Variants in CCDC141 observed in about 807,000 individuals in gnomAD.
The protein encoded by CCDC141 is coiled-coil domain containing 141.
In CCDC141, 168 loss-of-function variants were observed where a neutral mutation model predicts 181.0. The ratio of observed to expected loss-of-function variants is 0.93; its 90% CI spans 0.82 to 1.05. CCDC141 has a LOEUF of 1.05. CCDC141 is among the 50% of genes least tolerant of loss of function. The probability of loss-of-function intolerance (pLI) is 0.00; values close to 1 mark genes in which losing one functional copy is unlikely to be tolerated. For missense variants in CCDC141, 1,902 were observed against 1,788.5 expected (o/e 1.06, Z -1.14); for synonymous variants, 666 against 642.3 (o/e 1.04, Z -0.56).
At chr2:178,987,834 G>A (rs1004712197) in intron 2 of CCDC141, among the ~76,000 whole-genome samples, 2 of 149,988 alleles carry the variant, frequency 1.3e-5, no homozygotes, top group African/African-American at 2.5e-5. Context: ...TGCTGGAGAG[G>A]ATGTGGAGAA....
rs577481455 is a variant in CCDC141 at position 178,876,214 on chromosome 2, C to A, written c.1899+1750G>T. 5 of 152,234 alleles carry A rather than the reference C, an allele frequency of 3.3e-5. No homozygotes were observed. The South Asian group carries it at 1.0e-3, about 32-fold the overall frequency. 9.4% of individuals were successfully genotyped at this position (152,234 alleles called of 1,614,324 possible). On this transcript the variant is annotated intron_variant, in intron 12 of 23. Coordinates refer to ENST00000443758, the MANE Select transcript of CCDC141 (RefSeq NM_173648.4). ...CTTCCAAATGAATTCAGGCTCCAGACTGAGATTAATCACATCCCAGGTACA... is the reference window on the plus strand; with the variant it reads ...CTTCCAAATGAATTCAGGCTCCAGAATGAGATTAATCACATCCCAGGTACA...
intron 2 of CCDC141, among the ~76,000 whole-genome samples, chr2:179,015,104 AAT>A (rs1342422823): frequency 3.1e-4 from 5 of 16,128 alleles, no homozygotes; most frequent in African/African-American, 5.4e-4. Context: ...ATATATATAT[AAT>A]ATATATATAA....
chr2:178,995,819 G>C (rs570142012), intron 2 of CCDC141, among the ~76,000 whole-genome samples: 1 of 152,262 alleles, frequency 6.6e-6, no homozygotes, highest in East Asian at 1.9e-4. Context: ...AGCTATTTAA[G>C]AGCATAATAA....
intron 5 of CCDC141, among the ~76,000 whole-genome samples, chr2:178,960,427 GA>G (rs1431082686): frequency 6.6e-6 from 1 of 152,030 alleles, no homozygotes; most frequent in Admixed American, 6.6e-5. Flanking sequence ...TTAAACATAT[GA>G]AAAAACCTCT....
At chr2:179,011,722 G>C (rs893459112) in intron 2 of CCDC141, among the ~76,000 whole-genome samples, 1 of 152,072 alleles carries the variant, frequency 6.6e-6, no homozygotes, top group African/African-American at 2.4e-5. Flanking sequence ...CATATGATAG[G>C]CCATAAAACG....
At chr2:178,911,680 T>C (rs537034695) in intron 7 of CCDC141, among the ~76,000 whole-genome samples, 2 of 152,350 alleles carry the variant, frequency 1.3e-5, no homozygotes, top group African/African-American at 4.8e-5. Flanking sequence ...AAAATGTAAA[T>C]TGATTTGTCA....
intron 5 of CCDC141, among the ~76,000 whole-genome samples, chr2:178,948,714 T>C (rs1689830870): frequency 6.6e-6 from 1 of 152,100 alleles, no homozygotes; most frequent in Non-Finnish European, 1.5e-5. Flanking sequence ...CTTTATTAGT[T>C]CCCAGCAGAC....
chr2:178,955,207 C>T (rs976854442), intron 5 of CCDC141, among the ~76,000 whole-genome samples: 1 of 152,130 alleles, frequency 6.6e-6, no homozygotes, highest in African/African-American at 2.4e-5. Flanking sequence ...ATTGCTTGAA[C>T]CCCGGAGGTG....
chr2:178,897,730 C>A (rs1295792306), intron 8 of CCDC141, among the ~76,000 whole-genome samples: 1 of 152,118 alleles, frequency 6.6e-6, no homozygotes, highest in Non-Finnish European at 1.5e-5. Flanking sequence ...CAATACTTCA[C>A]AAGGTAGCCT....
intron 11 of CCDC141, 126 bp downstream of exon 11, chr2:178,884,775 A>G: frequency 1.6e-6 from 1 of 609,370 alleles, no homozygotes; most frequent in Non-Finnish European, 2.8e-6. Flanking sequence ...AGGGCCTATA[A>G]GTGAGCCCAC....
intron 21 of CCDC141, among the ~76,000 whole-genome samples, chr2:178,849,568 T>A (rs573411750): frequency 8.5e-5 from 13 of 152,356 alleles, no homozygotes; most frequent in African/African-American, 3.1e-4. Context: ...TTTGTTACCA[T>A]CAAATTTGTA....
At chr2:178,867,862 T>G (rs1384459525) in intron 16 of CCDC141, among the ~76,000 whole-genome samples, 164 bp downstream of exon 16, 1 of 152,194 alleles carries the variant, frequency 6.6e-6, no homozygotes, top group Non-Finnish European at 1.5e-5. Context: ...ACTTAAAATT[T>G]TTTCTTTTGT....
intron 6 of CCDC141, among the ~76,000 whole-genome samples, chr2:178,923,095 T>TC (rs767005608): frequency 0.072 from 9,284 of 128,662 alleles, 597 homozygotes; most frequent in South Asian, 0.22. Context: ...TCCACCAGTT[T>TC]ATTTTTTTTT....
At chr2:178,917,000 A>G (rs1688484035) in intron 7 of CCDC141, among the ~76,000 whole-genome samples, 3 of 152,098 alleles carry the variant, frequency 2.0e-5, no homozygotes, top group Admixed American at 2.0e-4. Flanking sequence ...AAACCCAGAA[A>G]AATATCCCAG....
intron 13 of CCDC141, among the ~76,000 whole-genome samples, chr2:178,871,777 T>C (rs1686131015): frequency 6.6e-6 from 1 of 152,136 alleles, no homozygotes; most frequent in African/African-American, 2.4e-5. Context: ...AAAGTTACCA[T>C]GTTTACCATT....
intron 17 of CCDC141, among the ~76,000 whole-genome samples, chr2:178,858,019 T>C (rs993259047): frequency 9.2e-5 from 14 of 152,188 alleles, no homozygotes; most frequent in African/African-American, 3.1e-4. Flanking sequence ...ATTATACTGA[T>C]AGAATTTTTG....
At chr2:178,905,247 A>T (rs540610769) in intron 8 of CCDC141, 82 bp downstream of exon 8, 1 of 1,253,744 alleles carries the variant, frequency 8.0e-7, no homozygotes, top group African/African-American at 1.5e-5. Flanking sequence ...CCAGAAAAAG[A>T]CAATCATGCA....
chr2:179,045,375 G>T (rs1042071231), intron 2 of CCDC141, among the ~76,000 whole-genome samples: 1 of 147,476 alleles, frequency 6.8e-6, no homozygotes, highest in South Asian at 2.2e-4. Flanking sequence ...GTATTCCATG[G>T]TGTATATGTG....
chr2:179,016,718 G>T (rs530272094), intron 2 of CCDC141, among the ~76,000 whole-genome samples: 1 of 152,010 alleles, frequency 6.6e-6, no homozygotes, highest in African/African-American at 2.4e-5. Flanking sequence ...CTTTTTTTAA[G>T]AATGTACTTA....
Sources: gnomAD v4.1 joint callset for allele counts (sites outside exome capture counted in the v4.1 genomes callset) on GRCh38, gnomAD v4.1.1 for gene constraint, MANE v1.5 for transcripts, NCBI Gene and HGNC (gene_info 2026-07-23, HGNC 2026-07-21) for gene names.